The following NXN variants were observed in gnomAD, a reference collection of about 807,000 sequenced individuals.
The protein encoded by NXN is nucleoredoxin 1.
A neutral mutation model predicts 48.6 loss-of-function variants in NXN; 16 were observed. That is an observed-to-expected ratio of 0.33 (90% CI 0.22 to 0.50). The LOEUF (loss-of-function observed/expected upper bound fraction) is 0.50. NXN is among the 20% of genes least tolerant of loss of function. The pLI is 0.98. For missense variants in NXN, 492 were observed against 605.5 expected, an observed-to-expected ratio of 0.81 and a Z score of 1.97; for synonymous variants, 281 against 269.6, an observed-to-expected ratio of 1.04 and a Z score of -0.41.
At chr17:891,200 G>A (rs548596362) in intron 1 of NXN, among the ~76,000 whole-genome samples, 10 of 151,996 alleles carry the variant, frequency 6.6e-5, no homozygotes, top group South Asian at 4.1e-4. Context: ...TCAGCCTCCC[G>A]AATGGCTGGG....
rs1567829042 is a variant in NXN at position 843,018 on chromosome 17, AAG to A, written c.361-16942_361-16941del. Among the ~76,000 whole-genome samples the A allele has an allele frequency of 7.0e-5, 8 of 113,630 alleles. No individual in the cohort carries two copies. In the East Asian group the frequency reaches 1.8e-3, roughly 25 times the overall value. The allele number at this position is 113,630 out of a possible 152,430, so 74.5% of individuals were successfully genotyped here. ...AAAGAGAGAAAGAGAGAAAGAAAGA[AAG>A]AAAGAAAGAAAGAAAGAAAGAAAGA... On this transcript the variant is annotated intron_variant, in intron 1 of 7. Transcript: ENST00000336868.
chr17:852,781 T>G (rs915186655), intron 1 of NXN, among the ~76,000 whole-genome samples: 3 of 152,024 alleles, frequency 2.0e-5, no homozygotes, highest in Non-Finnish European at 4.4e-5. Flanking sequence ...GGCCTGGAGC[T>G]CCCTCCAGCA....
chr17:816,014 A>T (rs1188002960), intron 5 of NXN, among the ~76,000 whole-genome samples: 5 of 152,182 alleles, frequency 3.3e-5, no homozygotes, highest in Admixed American at 3.3e-4. Flanking sequence ...AACCCAGGAT[A>T]TCTCTGTATG....
intron 1 of NXN, among the ~76,000 whole-genome samples, chr17:843,629 G>T (rs749021973): frequency 6.6e-6 from 1 of 152,194 alleles, no homozygotes; most frequent in Non-Finnish European, 1.5e-5. Flanking sequence ...AGCCAGCGTC[G>T]ATCTGGAGTC....
At chr17:972,792 G>GAGGCCA (rs2069402898) in intron 1 of NXN, among the ~76,000 whole-genome samples, 1 of 152,216 alleles carries the variant, frequency 6.6e-6, no homozygotes, top group Non-Finnish European at 1.5e-5. Flanking sequence ...AGCACTTTGG[G>GAGGCCA]AGGCTGACGC....
intron 5 of NXN, among the ~76,000 whole-genome samples, chr17:816,524 G>C (rs1366135764): frequency 1.3e-5 from 2 of 151,924 alleles, no homozygotes; most frequent in East Asian, 1.9e-4. Flanking sequence ...CAGATCCCCT[G>C]GGGCATCCTT....
chr17:954,437 A>C (rs2069144587), intron 1 of NXN, among the ~76,000 whole-genome samples: 1 of 152,192 alleles, frequency 6.6e-6, no homozygotes, highest in Admixed American at 6.5e-5. Context: ...TTCTCTCTCG[A>C]GTCAAGTGGC....
chr17:896,858 C>CGGGGGGGGGGGGGG, intron 1 of NXN: 1 of 536,124 alleles, frequency 1.9e-6, no homozygotes, highest in Non-Finnish European at 3.0e-6. Context: ...GTCCTGACCA[C>CGGGGGGGGGGGGGG]CCGCCCCCGG....
At chr17:851,643 C>G (rs1022384603) in intron 1 of NXN, among the ~76,000 whole-genome samples, 1 of 152,202 alleles carries the variant, frequency 6.6e-6, no homozygotes, top group South Asian at 2.1e-4. Flanking sequence ...CAAGCTCAGG[C>G]GTCCACATGT....
chr17:861,094 T>C lies in NXN; in HGVS notation c.361-35016A>G, dbSNP rs141189981. On this transcript the variant is annotated intron_variant, in intron 1 of 7. Coordinates refer to ENST00000336868, the MANE Select transcript of NXN (RefSeq NM_022463.5). The stretch of plus-strand genomic sequence containing the variant: ...GGCAGCTGGTTCTGAGTGCAACATA[T>C]CAGTATCAACTCAAGATTTTAAAAC... Among the ~76,000 whole-genome samples, 1,271 of 152,198 alleles carry C rather than the reference T, an allele frequency of 8.4e-3. 11 individuals carry two copies. Among genetic ancestry groups the C allele is most frequent in the South Asian group, 0.033 (157 of 4,822 alleles).
chr17:909,503 C>A (rs1053990041), intron 1 of NXN: 1 of 150,360 alleles, frequency 6.7e-6, no homozygotes, highest in Non-Finnish European at 1.5e-5. Flanking sequence ...TCGACTTCTG[C>A]TGATAAACTT....
At chr17:869,994 C>T (rs540131739) in intron 1 of NXN, among the ~76,000 whole-genome samples, 3 of 152,266 alleles carry the variant, frequency 2.0e-5, no homozygotes, top group African/African-American at 7.2e-5. Context: ...GGTTGTGCTT[C>T]CCACGGGCCA....
chr17:870,378 TCTCA>T (rs2068138718), intron 1 of NXN, among the ~76,000 whole-genome samples: 1 of 152,126 alleles, frequency 6.6e-6, no homozygotes, highest in South Asian at 2.1e-4. Flanking sequence ...GCCTGAATTG[TCTCA>T]CTGTTATCAC....
rs1224715668 is a variant in NXN, at chr17:889,773, G to A, written c.361-63695C>T. On this transcript the variant is annotated intron_variant, in intron 1 of 7. Transcript: ENST00000336868. ...AAAGAAAGAAAGAAAAAGAAAGAAA[G>A]AAAAGAGAGAGAAAAGAAATGCAGA... Among the ~76,000 whole-genome samples, 6 of 148,196 alleles carry A rather than the reference G, an allele frequency of 4.0e-5. 1 individual carries two copies. Among genetic ancestry groups the A allele is most frequent in the African/African-American group, 1.3e-4 (5 of 39,450 alleles).
At chr17:947,255 G>A (rs1463322237) in intron 1 of NXN, among the ~76,000 whole-genome samples, 1 of 152,168 alleles carries the variant, frequency 6.6e-6, no homozygotes, top group Non-Finnish European at 1.5e-5. Context: ...GCGTGACGGG[G>A]ACGCGCAGGT....
chr17:904,543 C>T (rs899084594), intron 1 of NXN, among the ~76,000 whole-genome samples: 1 of 152,016 alleles, frequency 6.6e-6, no homozygotes, highest in African/African-American at 2.4e-5. Flanking sequence ...AGTATTTTTT[C>T]GTTTACTTGT....
intron 1 of NXN, among the ~76,000 whole-genome samples, chr17:947,047 G>A (rs192599602): frequency 4.6e-5 from 7 of 152,252 alleles, no homozygotes; most frequent in East Asian, 1.9e-4. Flanking sequence ...GACGATACAC[G>A]CCAGCACTCA....
chr17:860,041 G>A (rs2068025788), intron 1 of NXN, among the ~76,000 whole-genome samples: 1 of 152,068 alleles, frequency 6.6e-6, no homozygotes, highest in East Asian at 1.9e-4. Flanking sequence ...CAGAAGCTAA[G>A]GAAAACGCTC....
At chr17:812,142 C>A (rs7224117) in intron 5 of NXN, among the ~76,000 whole-genome samples, 31 of 149,686 alleles carry the variant, frequency 2.1e-4, no homozygotes, top group African/African-American at 7.2e-4. Flanking sequence ...TTAGCCAGGA[C>A]GGTCTCGATC....
Sources: gnomAD v4.1 joint callset for allele counts (sites outside exome capture counted in the v4.1 genomes callset) on GRCh38, gnomAD v4.1.1 for gene constraint, MANE v1.5 for transcripts, NCBI Gene and HGNC (gene_info 2026-07-23, HGNC 2026-07-21) for gene names.